The following ZNF710 variants were observed in gnomAD, a reference collection of about 807,000 sequenced individuals.
ZNF710 encodes the protein zinc finger protein 710.
ZNF710 carries 13 observed loss-of-function variants against 50.6 expected under a neutral mutation model. The observed-to-expected ratio is 0.26, with a 90% CI of 0.17 to 0.41. ZNF710 has a LOEUF of 0.41. Ranked by LOEUF, ZNF710 falls within the 10% of genes least tolerant of loss-of-function variation. The probability of loss-of-function intolerance (pLI) is 1.00; values close to 1 mark genes in which losing one functional copy is unlikely to be tolerated. For synonymous variants in ZNF710, 383 were observed against 397.0 expected (o/e 0.96, Z 0.42); for missense variants, 721 against 936.6 (o/e 0.77, Z 3.01).
At chr15:90,030,769 C>A (rs1446793551) in intron 1 of ZNF710, among the ~76,000 whole-genome samples, 4 of 152,046 alleles carry the variant, frequency 2.6e-5, no homozygotes, top group Middle Eastern at 3.4e-3. Context: ...GTAATCCCAG[C>A]TCTTTGGGAG....
chr15:90,004,828 G>A (rs750866167), intron 1 of ZNF710, among the ~76,000 whole-genome samples: 4 of 152,242 alleles, frequency 2.6e-5, no homozygotes, highest in Non-Finnish European at 5.9e-5. Context: ...GGTAAATGGA[G>A]CGCCTCATTT....
intron 1 of ZNF710, among the ~76,000 whole-genome samples, chr15:90,012,550 G>A (rs533996121): frequency 8.5e-5 from 13 of 152,146 alleles, no homozygotes; most frequent in South Asian, 6.2e-4. Context: ...GATTACAGGC[G>A]TGAGCCTCCA....
At chr15:90,054,072 A>G (rs1179202847) in intron 1 of ZNF710, among the ~76,000 whole-genome samples, 2 of 152,172 alleles carry the variant, frequency 1.3e-5, no homozygotes, top group African/African-American at 4.8e-5. Context: ...AGATAAATAA[A>G]TGTCACCCTG....
At chr15:90,030,774 T>C (rs1294093475) in intron 1 of ZNF710, among the ~76,000 whole-genome samples, 2 of 152,046 alleles carry the variant, frequency 1.3e-5, no homozygotes, top group East Asian at 1.9e-4. Context: ...CCCAGCTCTT[T>C]GGGAGGCCGA....
intron 1 of ZNF710, among the ~76,000 whole-genome samples, chr15:90,005,661 G>A (rs963450138): frequency 3.9e-5 from 6 of 152,160 alleles, no homozygotes; most frequent in African/African-American, 1.4e-4. Context: ...GGTTGGCCAG[G>A]ATGGTCTCGA....
chr15:90,065,974 A>G lies in ZNF710; in HGVS notation c.-28-1136A>G, dbSNP rs79476424. Among the ~76,000 whole-genome samples the G allele has an allele frequency of 2.6e-3, 393 of 152,330 alleles. 6 individuals carry two copies. Among genetic ancestry groups the G allele is most frequent in the Admixed American group, 0.021 (325 of 15,302 alleles). ...AACTTGGGAGCCTGTTTGAGCATTCAATTCGGATAGTGGCCTCAAACATGT... is the reference window on the plus strand; with the variant it reads ...AACTTGGGAGCCTGTTTGAGCATTCGATTCGGATAGTGGCCTCAAACATGT... On this transcript the variant is annotated intron_variant, in intron 1 of 4. Coordinates refer to ENST00000268154, the MANE Select transcript of ZNF710 (RefSeq NM_198526.4).
intron 3 of ZNF710, among the ~76,000 whole-genome samples, chr15:90,073,738 C>T (rs1409067725): frequency 6.6e-6 from 1 of 152,132 alleles, no homozygotes; most frequent in South Asian, 2.1e-4. Flanking sequence ...CCTGTAATCC[C>T]AGCATTTTGG....
At chr15:90,023,570 G>A (rs1305595968) in intron 1 of ZNF710, among the ~76,000 whole-genome samples, 1 of 152,220 alleles carries the variant, frequency 6.6e-6, no homozygotes, top group African/African-American at 2.4e-5. Context: ...TGTAATCCCT[G>A]TGACTCAGGT....
chr15:90,034,503 T>C lies in ZNF710; in HGVS notation c.-28-32607T>C, dbSNP rs912744539. ...TCTGTGCCTGTGGTGGTGGTGGCCA[T>C]GGTGTCGGCAGCAGCAGGGTTGTCA... On this transcript the variant is annotated intron_variant, in intron 1 of 4. Transcript: ENST00000268154. This position sits in a 1 kb window ranked among gnomAD's most constrained non-coding sequence, Gnocchi z 4.0. 2.0e-5 allele frequency among the ~76,000 whole-genome samples: 3 copies of C among 147,278 alleles called. No homozygotes were observed. The highest frequency in any genetic ancestry group is 7.5e-5 in the African/African-American group (3 of 39,838).
At chr15:90,045,777 C>T (rs1876291) in intron 1 of ZNF710, among the ~76,000 whole-genome samples, 65,227 of 151,888 alleles carry the variant, frequency 0.43, 16,611 homozygotes, top group East Asian at 0.73. Flanking sequence ...AACAAGAAAT[C>T]GGACATTGCC....
chr15:90,036,401 G>A (rs1010837190), intron 1 of ZNF710, among the ~76,000 whole-genome samples: 1 of 152,034 alleles, frequency 6.6e-6, no homozygotes, highest in Non-Finnish European at 1.5e-5. Flanking sequence ...TTGGGTTTCC[G>A]AAGCCTCTCT....
intron 1 of ZNF710, among the ~76,000 whole-genome samples, chr15:90,031,357 G>A (rs536470234): frequency 6.6e-6 from 1 of 152,312 alleles, no homozygotes; most frequent in South Asian, 2.1e-4. Flanking sequence ...ATTATTAATG[G>A]AAACGAAGTA....
chr15:90,023,127 T>G (rs1018705053), intron 1 of ZNF710, among the ~76,000 whole-genome samples: 8 of 152,058 alleles, frequency 5.3e-5, no homozygotes, highest in African/African-American at 1.9e-4. Flanking sequence ...GGTGGCTGCT[T>G]TCCCAAGGCC....
chr15:90,047,130 G>A (rs1899488684), intron 1 of ZNF710, among the ~76,000 whole-genome samples: 1 of 150,970 alleles, frequency 6.6e-6, no homozygotes, highest in African/African-American at 2.4e-5. Context: ...GGGACAGGAC[G>A]AGGGTCCGAG....
intron 1 of ZNF710, among the ~76,000 whole-genome samples, chr15:90,048,750 G>T (rs547225412): frequency 5.9e-5 from 9 of 152,306 alleles, no homozygotes; most frequent in African/African-American, 2.2e-4. Flanking sequence ...TCAGAAAAGA[G>T]GTAGCATCTG....
intron 4 of ZNF710, among the ~76,000 whole-genome samples, chr15:90,077,401 G>A (rs1214544815): frequency 6.6e-5 from 10 of 151,902 alleles, no homozygotes; most frequent in Non-Finnish European, 1.0e-4. Context: ...CTGCCACCAC[G>A]CCCGGCTAAT....
chr15:90,074,256 G>A lies in ZNF710; in HGVS notation c.1791G>A (p.Lys597=), dbSNP rs758759003. 1 of 1,613,862 alleles carries A rather than the reference G, an allele frequency of 6.2e-7. No individual in the cohort carries two copies. The highest frequency in any genetic ancestry group is 2.2e-5 in the East Asian group (1 of 44,886). The part of the protein sequence containing the change: ...KGNLSRHMKV[K]HGVMDIGLDS... ...ACCTGAGCCGGCACATGAAGGTCAA[G>A]CATGGCGTCATGGACATCGGCCTGG... Residue 597 remains lysine, a synonymous_variant, in exon 4 of 5, where the codon AAG becomes AAA. Coordinates refer to ENST00000268154, the MANE Select transcript of ZNF710 (RefSeq NM_198526.4).
chr15:90,071,806 G>A (rs1315303923), intron 2 of ZNF710, among the ~76,000 whole-genome samples: 1 of 151,518 alleles, frequency 6.6e-6, no homozygotes, highest in Non-Finnish European at 1.5e-5. Flanking sequence ...AGCCTCCTGA[G>A]TAGCTGGGAT....
intron 1 of ZNF710, among the ~76,000 whole-genome samples, chr15:90,024,254 A>G (rs1180697946): frequency 3.3e-5 from 5 of 152,048 alleles, no homozygotes; most frequent in African/African-American, 1.2e-4. Flanking sequence ...GCCTTATTTC[A>G]TTGGCCATCT....
Sources: gnomAD v4.1 joint callset for allele counts (sites outside exome capture counted in the v4.1 genomes callset) on GRCh38, gnomAD v4.1.1 for gene constraint, Gnocchi (gnomAD v3.1) non-coding constraint, MANE v1.5 for transcripts, NCBI Gene and HGNC (gene_info 2026-07-23, HGNC 2026-07-21) for gene names.